Variants in C12orf42 observed in about 807,000 individuals in gnomAD.
C12orf42 encodes chromosome 12 open reading frame 42.
A neutral mutation model predicts 21.6 loss-of-function variants in C12orf42; 25 were observed. That is an observed-to-expected ratio of 1.16 (90% CI 0.84 to 1.62). The LOEUF (loss-of-function observed/expected upper bound fraction) is 1.62, where lower values mean the gene tolerates loss of function less well. Among genes scored for constraint, C12orf42 ranks in the 40% most tolerant of loss-of-function variants. The pLI is 0.00. For synonymous variants in C12orf42, 174 were observed against 175.0 expected (o/e 0.99, Z 0.05); for missense variants, 483 against 459.3 (o/e 1.05, Z -0.47).
chr12:103,394,370 C>T (rs1005777812), intron 3 of C12orf42, among the ~76,000 whole-genome samples: 2 of 152,180 alleles, frequency 1.3e-5, no homozygotes, highest in African/African-American at 4.8e-5. Context: ...GTCTGTCCTG[C>T]CCTACGTTTA....
At chr12:103,156,226 G>C in the C12orf42 span, 2 of 152,062 alleles carry the variant, frequency 1.3e-5, no homozygotes, top group African/African-American at 4.8e-5. Context: ...GTTCCACCCA[G>C]CCACAGAAGC....
chr12:103,471,098 C>T (rs938204758), intron 2 of C12orf42, among the ~76,000 whole-genome samples: 9 of 152,304 alleles, frequency 5.9e-5, no homozygotes, highest in Admixed American at 1.3e-4. Context: ...GATCATGTCT[C>T]ACTGGATTAC....
the C12orf42 span, among the ~76,000 whole-genome samples, chr12:103,075,163 C>CT: frequency 6.6e-6 from 1 of 152,058 alleles, no homozygotes; most frequent in African/African-American, 2.4e-5. Context: ...AGCAAAAGTT[C>CT]TTTTTTACTT....
intron 4 of C12orf42, among the ~76,000 whole-genome samples, chr12:103,337,587 C>G (rs529399381): frequency 1.3e-5 from 2 of 152,128 alleles, no homozygotes; most frequent in African/African-American, 2.4e-5. Flanking sequence ...CTCCTGATCT[C>G]GTGATCTGCC....
the C12orf42 span, among the ~76,000 whole-genome samples, chr12:103,220,577 T>C: frequency 6.6e-6 from 1 of 152,194 alleles, no homozygotes; most frequent in Admixed American, 6.5e-5. Context: ...TCCTTTAAGC[T>C]GTGTCAAAAT....
chr12:103,526,513 A>G, the C12orf42 span, among the ~76,000 whole-genome samples: 2 of 152,214 alleles, frequency 1.3e-5, no homozygotes, highest in Non-Finnish European at 2.9e-5. Context: ...GGAGGTGTAT[A>G]TGATTAGTCC....
chr12:103,259,838 T>C (rs181044212), intron 10 of C12orf42, among the ~76,000 whole-genome samples: 1 of 152,176 alleles, frequency 6.6e-6, no homozygotes, highest in Non-Finnish European at 1.5e-5. Flanking sequence ...TTGCAGTACA[T>C]GGACTGTAGG....
At chr12:103,376,696 A>G (rs1392382480) in intron 3 of C12orf42, among the ~76,000 whole-genome samples, 3 of 152,128 alleles carry the variant, frequency 2.0e-5, no homozygotes. Flanking sequence ...TTGTTCTTAC[A>G]TCTCTGAAAA....
intron 10 of C12orf42, among the ~76,000 whole-genome samples, chr12:103,239,087 T>TG (rs1408974207): frequency 6.6e-6 from 1 of 152,196 alleles, no homozygotes. Context: ...TTAGTGCATA[T>TG]GGGGAGTTTT....
downstream of C12orf42, among the ~76,000 whole-genome samples, chr12:103,301,593 T>A (rs559303239): frequency 1.2e-4 from 18 of 152,326 alleles, no homozygotes; most frequent in African/African-American, 4.1e-4. Context: ...AGCTTCAGGT[T>A]TCTGACATTA....
the C12orf42 span, among the ~76,000 whole-genome samples, chr12:103,077,447 G>T: frequency 6.6e-6 from 1 of 152,202 alleles, no homozygotes; most frequent in Non-Finnish European, 1.5e-5. Flanking sequence ...TAAGCTTATA[G>T]ATGGGGAAAC....
chr12:103,198,192 C>T, the C12orf42 span, among the ~76,000 whole-genome samples: 16 of 152,230 alleles, frequency 1.1e-4, no homozygotes, highest in East Asian at 5.8e-4. Flanking sequence ...AGGGGATGGC[C>T]GTGGGTGAAT....
intron 3 of C12orf42, among the ~76,000 whole-genome samples, chr12:103,381,920 A>C (rs1459707275): frequency 6.7e-6 from 1 of 148,324 alleles, no homozygotes; most frequent in Non-Finnish European, 1.5e-5. Context: ...CCGTCTCAAA[A>C]AAAAAAAAAA....
At chr12:103,418,114 A>G (rs10467021) in intron 2 of C12orf42, among the ~76,000 whole-genome samples, 4 of 152,212 alleles carry the variant, frequency 2.6e-5, no homozygotes, top group African/African-American at 9.6e-5. Flanking sequence ...ATTATTTCTA[A>G]AGTACTACCA....
intron 2 of C12orf42, among the ~76,000 whole-genome samples, chr12:103,463,470 T>A (rs1423354922): frequency 6.6e-6 from 1 of 152,042 alleles, no homozygotes; most frequent in Admixed American, 6.6e-5. Flanking sequence ...TGGGAGGAGG[T>A]GTTACTAAGA....
the C12orf42 span, among the ~76,000 whole-genome samples, chr12:103,070,100 A>G: frequency 1.3e-5 from 2 of 152,162 alleles, no homozygotes; most frequent in Admixed American, 6.6e-5. Flanking sequence ...CAAAAATTCT[A>G]TACTGCTTCT....
At chr12:103,105,428 C>T in the C12orf42 span, among the ~76,000 whole-genome samples, 1 of 152,120 alleles carries the variant, frequency 6.6e-6, no homozygotes, top group South Asian at 2.1e-4. Flanking sequence ...CATGATCTCA[C>T]TTAAAGTAGG....
At chr12:103,283,913 G>A (rs74879269) in intron 4 of C12orf42, among the ~76,000 whole-genome samples, 4,642 of 152,194 alleles carry the variant, frequency 0.031, 113 homozygotes, top group Middle Eastern at 0.037. Context: ...ACAATTTTCC[G>A]GGCAAATGCA....
the C12orf42 span, among the ~76,000 whole-genome samples, chr12:103,552,143 T>C: frequency 6.6e-6 from 1 of 152,352 alleles, no homozygotes; most frequent in Admixed American, 6.5e-5. Context: ...TCACTCTGTG[T>C]TTGTTATAGG....
Sources: allele counts gnomAD v4.1 joint callset (sites outside exome capture counted in the v4.1 genomes callset), GRCh38; gene constraint gnomAD v4.1.1; transcripts MANE v1.5; gene names NCBI Gene and HGNC (gene_info 2026-07-23, HGNC 2026-07-21).